The following ZNF771 variants were observed in gnomAD, a reference collection of about 807,000 sequenced individuals.
The protein encoded by ZNF771 is zinc finger protein 771.
In ZNF771, 10 loss-of-function variants were observed where a neutral mutation model predicts 27.6. The observed-to-expected ratio is 0.36, with a 90% CI of 0.22 to 0.61. ZNF771 has a LOEUF of 0.61. Among genes scored for constraint, ZNF771 ranks in the 20% least tolerant of loss-of-function variants. The pLI is 0.70. For missense variants in ZNF771, 438 were observed against 503.7 expected, an observed-to-expected ratio of 0.87 and a Z score of 1.25; for synonymous variants, 261 against 225.2, an observed-to-expected ratio of 1.16 and a Z score of -1.43.
chr16:30,412,566 GAGGA>G (rs1377398911), intron 2 of ZNF771, among the ~76,000 whole-genome samples: 1 of 152,204 alleles, frequency 6.6e-6, no homozygotes, highest in Non-Finnish European at 1.5e-5. Flanking sequence ...GCTGAGGCAG[GAGGA>G]TTGATTGAGC....
At chr16:30,409,014 G>A (rs1386467166) in intron 2 of ZNF771, among the ~76,000 whole-genome samples, 1 of 151,666 alleles carries the variant, frequency 6.6e-6, no homozygotes, top group Non-Finnish European at 1.5e-5. Context: ...TCGCTCTGTT[G>A]CCCAGGCTGG....
intron 2 of ZNF771, among the ~76,000 whole-genome samples, chr16:30,409,994 G>A (rs2050095440): frequency 6.6e-6 from 1 of 152,146 alleles, no homozygotes; most frequent in Admixed American, 6.5e-5. Context: ...CATGCACAGA[G>A]TTAGAACTGT....
At chr16:30,417,342 T>A (rs536075666) in intron 2 of ZNF771, among the ~76,000 whole-genome samples, 1 of 152,258 alleles carries the variant, frequency 6.6e-6, no homozygotes, top group African/African-American at 2.4e-5. Context: ...GTTGAATTAA[T>A]AAAAATAGCT....
chr16:30,417,547 C>T lies in ZNF771; in HGVS notation c.142-8C>T. 8.2e-7 allele frequency: 1 copy of T among 1,217,138 alleles called. No homozygotes were observed. Among genetic ancestry groups the T allele is most frequent in the Non-Finnish European group, 1.0e-6 (1 of 979,772 alleles). 75.4% of individuals were successfully genotyped at this position (1,217,138 alleles called of 1,614,324 possible). A position where few individuals can be genotyped will look rare whatever the true frequency, so the allele number is the denominator to read the frequency against. ...GCTAAGGGCTGACCTATCCCCCTCT[C>T]CCCGCAGGTCCCGGGCGAGGCGCCC... On this transcript the variant is annotated splice_polypyrimidine_tract_variant and splice_region_variant and intron_variant, in intron 2 of 2. Coordinates refer to ENST00000319296, the MANE Select transcript of ZNF771 (RefSeq NM_001142305.2).
intron 2 of ZNF771, chr16:30,413,553 C>T (rs770141346): frequency 1.9e-5 from 7 of 366,914 alleles, no homozygotes; most frequent in Middle Eastern, 6.3e-4. Context: ...ATACCTCATG[C>T]TGGGAAATTT....
chr16:30,418,140 C>G lies in ZNF771; in HGVS notation c.727C>G (p.Arg243Gly). 1.4e-6 allele frequency: 2 copies of G among 1,472,558 alleles called. No individual in the cohort carries two copies. The highest frequency in any genetic ancestry group is 1.3e-5 in the South Asian group (1 of 76,710). 91.2% of individuals were successfully genotyped at this position (1,472,558 alleles called of 1,614,324 possible). Residue 243 changes from arginine (R) to glycine (G), a missense_variant, in exon 3 of 3, where the codon CGC (arginine) becomes GGC (glycine). By Grantham distance (125) the Arg-to-Gly change is moderately radical. Around this residue, in one of 3 missense-constraint regions of ZNF771, gnomAD observed 305 missense variants for 308.0 expected, o/e 0.99. Transcript: ENST00000319296. ...TGTGTGTGGCCGTCGCTTCGGCCAC[C>G]GCTCCAACCTGGCGGAGCACGCGCG... ...CAVCGRRFGH[R>G]SNLAEHARTH...
intron 2 of ZNF771, among the ~76,000 whole-genome samples, chr16:30,416,697 G>C (rs1597032586): frequency 6.6e-6 from 1 of 152,174 alleles, no homozygotes; most frequent in East Asian, 1.9e-4. Context: ...AACCCCAGTA[G>C]CCTGAGGGGA....
chr16:30,408,202 T>TCA lies in ZNF771; in HGVS notation c.141+16_141+17dup, dbSNP rs769766249. The TCA allele has an allele frequency of 1.2e-6, 2 of 1,613,648 alleles. No homozygotes were observed. Among genetic ancestry groups the TCA allele is most frequent in the East Asian group, 4.5e-5 (2 of 44,844 alleles). On this transcript the variant is annotated intron_variant, in intron 2 of 2. Coordinates refer to ENST00000319296, the MANE Select transcript of ZNF771 (RefSeq NM_001142305.2). ...CCCATGGACAACAAGGAGGTATGTG[T>TCA]CACACACACCCTGGGGCACACTGTC...
chr16:30,410,475 A>G (rs546377323), intron 2 of ZNF771, among the ~76,000 whole-genome samples: 1 of 151,730 alleles, frequency 6.6e-6, no homozygotes, highest in East Asian at 2.0e-4. Context: ...GTGGGGGCAC[A>G]GAGGATTGAA....
rs1359395476 is a variant in ZNF771 at position 30,408,414 on chromosome 16, C to T, written c.141+220C>T. ...CTGCTGGGTGCAGGAGATTAAACTC[C>T]GTCCTTGGATCCCCCATGGAGCTTG... On this transcript the variant is annotated intron_variant, in intron 2 of 2. Coordinates refer to ENST00000319296, the MANE Select transcript of ZNF771 (RefSeq NM_001142305.2). Among the ~76,000 whole-genome samples, 6 of 152,134 alleles carry T rather than the reference C, an allele frequency of 3.9e-5. No homozygotes were observed. The South Asian group carries it at 1.0e-3, about 26-fold the overall frequency.
Position 30,418,642 on chromosome 16 carries a change from G to A in ZNF771, c.*275G>A, listed in dbSNP as rs2050151869. On this transcript the variant is annotated 3_prime_UTR_variant, in exon 3 of 3. Transcript: ENST00000319296. ...AGGTGGGTGGGAGAGGAAGAAAGTT[G>A]GGGTTCTCCAGGCTCAGGTGCCAAG... 1 of 390,554 alleles carries A rather than the reference G, an allele frequency of 2.6e-6. No homozygotes were observed. The highest frequency in any genetic ancestry group is 4.5e-6 in the Non-Finnish European group (1 of 221,526). 24.2% of individuals were successfully genotyped at this position (390,554 alleles called of 1,614,324 possible).
intron 2 of ZNF771, among the ~76,000 whole-genome samples, chr16:30,412,145 G>A (rs1347293252): frequency 3.9e-5 from 6 of 152,054 alleles, no homozygotes; most frequent in South Asian, 2.1e-4. Flanking sequence ...GTCTCAGCCC[G>A]CAAAGCCCTC....
intron 2 of ZNF771, among the ~76,000 whole-genome samples, chr16:30,408,652 G>C (rs780841827): frequency 6.6e-6 from 1 of 152,230 alleles, no homozygotes; most frequent in Middle Eastern, 3.4e-3. Context: ...CTATGATGTC[G>C]GTAGCATTTA....
chr16:30,417,420 TG>T, intron 2 of ZNF771, 134 bp from the exon 3 acceptor site: 1 of 480,674 alleles, frequency 2.1e-6, no homozygotes, highest in Non-Finnish European at 3.2e-6. Context: ...ACAGCCATCC[TG>T]GGAGGCAGCA....
In ZNF771 at chr16:30,408,149, GAAGT is replaced by G; in HGVS notation, c.98_101del (p.Lys33MetfsTer4). ...AGGGTGAGGAGGATGAGGGTGAGGAGAAGTATGAGGTGGTGAAACTCAAGATCCC... is the reference window on the plus strand; with the variant it reads ...AGGGTGAGGAGGATGAGGGTGAGGAGATGAGGTGGTGAAACTCAAGATCCC... On this transcript the variant is annotated frameshift_variant, in exon 2 of 3. Transcript: ENST00000319296. LOFTEE classifies it high-confidence loss of function. 2 of 1,613,180 alleles carry G rather than the reference GAAGT, an allele frequency of 1.2e-6. No homozygotes were observed. The highest frequency in any genetic ancestry group is 2.7e-5 in the African/African-American group (2 of 74,952).
At chr16:30,411,335 C>T (rs2151123922) in intron 2 of ZNF771, among the ~76,000 whole-genome samples, 1 of 150,962 alleles carries the variant, frequency 6.6e-6, no homozygotes, top group South Asian at 2.1e-4. Context: ...AAAAAAAAAT[C>T]AGAGGAGGGA....
chr16:30,416,753 C>G (rs540256310), intron 2 of ZNF771, among the ~76,000 whole-genome samples: 1 of 152,086 alleles, frequency 6.6e-6, no homozygotes, highest in South Asian at 2.1e-4. Flanking sequence ...GCTCAAAGCC[C>G]TCTGACATCT....
At chr16:30,413,183 T>C (rs2050114273) in intron 2 of ZNF771, among the ~76,000 whole-genome samples, 1 of 152,244 alleles carries the variant, frequency 6.6e-6, no homozygotes, top group African/African-American at 2.4e-5. Flanking sequence ...GATTATTATA[T>C]TATTACACTA....
intron 2 of ZNF771, among the ~76,000 whole-genome samples, chr16:30,411,432 A>G (rs549542782): frequency 6.6e-6 from 1 of 152,232 alleles, no homozygotes; most frequent in Non-Finnish European, 1.5e-5. Context: ...AGTAACAGCA[A>G]TGATGAGGAA....
Sources: gnomAD v4.1 joint callset for allele counts (sites outside exome capture counted in the v4.1 genomes callset) on GRCh38, gnomAD v4.1.1 for gene constraint, gnomAD v4.1.1 regional missense constraint, MANE v1.5 for transcripts, NCBI Gene and HGNC (gene_info 2026-07-23, HGNC 2026-07-21) for gene names.